Variants in C6 observed in about 807,000 individuals in gnomAD.
C6 encodes complement C6.
In C6, 101 loss-of-function variants were observed where a neutral mutation model predicts 112.9. The ratio of observed to expected loss-of-function variants is 0.89; its 90% CI spans 0.76 to 1.06. C6 has a LOEUF of 1.06. Among genes scored for constraint, C6 ranks in the 50% least tolerant of loss-of-function variants. The pLI is 0.00. For missense variants in C6, 1,202 were observed against 1,104.6 expected, an observed-to-expected ratio of 1.09 and a Z score of -1.25; for synonymous variants, 431 against 384.1, an observed-to-expected ratio of 1.12 and a Z score of -1.43.
At chr5:41,207,815 T>C (rs1159130143) in intron 1 of C6, among the ~76,000 whole-genome samples, 1 of 152,096 alleles carries the variant, frequency 6.6e-6, no homozygotes, top group East Asian at 1.9e-4. Flanking sequence ...ATGAGACAGA[T>C]CAACAAGACA....
At chr5:41,241,142 G>A (rs549222987) in intron 1 of C6, among the ~76,000 whole-genome samples, 24 of 152,252 alleles carry the variant, frequency 1.6e-4, no homozygotes, top group African/African-American at 5.5e-4. Flanking sequence ...GCCCTGGTTG[G>A]CATGCCCCAG....
chr5:41,248,527 T>C (rs113874736), intron 1 of C6, among the ~76,000 whole-genome samples: 1,530 of 152,270 alleles, frequency 0.01, 33 homozygotes, highest in African/African-American at 0.035. Flanking sequence ...TGAACAGACA[T>C]TTCTGAAAAG....
chr5:41,221,668 G>A (rs1026162850), intron 1 of C6, among the ~76,000 whole-genome samples: 3 of 152,020 alleles, frequency 2.0e-5, no homozygotes, highest in African/African-American at 7.2e-5. Context: ...CTAGGGCTTT[G>A]AGAATTAAAT....
chr5:41,228,464 T>C (rs1202666232), intron 1 of C6, among the ~76,000 whole-genome samples: 2 of 152,204 alleles, frequency 1.3e-5, no homozygotes, highest in African/African-American at 4.8e-5. Flanking sequence ...TCTTGCTTAA[T>C]TGCTCTGGCT....
intron 3 of C6, 53 bp downstream of exon 3, chr5:41,201,505 T>A: frequency 3.2e-6 from 5 of 1,540,572 alleles, no homozygotes; most frequent in Non-Finnish European, 4.5e-6. Flanking sequence ...TGTCAGGGAA[T>A]CAGAGCCCTC....
intron 1 of C6, among the ~76,000 whole-genome samples, chr5:41,207,695 G>T (rs140004087): frequency 0.045 from 6,816 of 152,158 alleles, 163 homozygotes; most frequent in Middle Eastern, 0.071. Context: ...AAATATATAC[G>T]CACCCAATAT....
rs143443464 is a variant in C6, at chr5:41,200,891, G to GTTTTTTTTTTTTTTTTTTTTTTTTT, written c.300+642_300+666dup. 1.1e-4 allele frequency among the ~76,000 whole-genome samples: 8 copies of GTTTTTTTTTTTTTTTTTTTTTTTTT among 70,654 alleles called. 1 individual carries two copies. Among genetic ancestry groups the GTTTTTTTTTTTTTTTTTTTTTTTTT allele is most frequent in the Admixed American group, 1.7e-4 (1 of 5,750 alleles). 46.4% of individuals were successfully genotyped at this position (70,654 alleles called of 152,430 possible). ...TGTTTTTGTTGTTGTTGTTGTTGTT[G>GTTTTTTTTTTTTTTTTTTTTTTTTT]TTTTTTTTTTTTTTTTTTTTTTTTT... On this transcript the variant is annotated intron_variant, in intron 3 of 17. Transcript: ENST00000337836.
rs570790008 is a variant in C6, at chr5:41,176,349, A to G, written c.1168+126T>C. 9.3e-6 allele frequency: 9 copies of G among 972,378 alleles called. No individual in the cohort carries two copies. In the South Asian group the frequency reaches 1.0e-4, roughly 11 times the overall value. 60.2% of individuals were successfully genotyped at this position (972,378 alleles called of 1,614,324 possible). A position where few individuals can be genotyped will look rare whatever the true frequency, so the allele number is the denominator to read the frequency against. ...ATGTGTATTTTTTATCATTCTTCATATCATTTTGGAAATAAAGCAGGATCT... is the reference window on the plus strand; with the variant it reads ...ATGTGTATTTTTTATCATTCTTCATGTCATTTTGGAAATAAAGCAGGATCT... On this transcript the variant is annotated intron_variant, in intron 8 of 17. Coordinates refer to ENST00000337836, the MANE Select transcript of C6 (RefSeq NM_000065.5).
At chr5:41,171,941 A>G (rs2150300681) in intron 9 of C6, among the ~76,000 whole-genome samples, 1 of 152,278 alleles carries the variant, frequency 6.6e-6, no homozygotes. Context: ...TCACAGCCAT[A>G]TGCACTTCAC....
At chr5:41,188,973 A>G (rs1457247774) in intron 5 of C6, among the ~76,000 whole-genome samples, 5 of 152,232 alleles carry the variant, frequency 3.3e-5, no homozygotes, top group Admixed American at 3.3e-4. Flanking sequence ...TTGAGTATCT[A>G]AATATATAGT....
chr5:41,259,120 T>TAA (rs1301170466), intron 1 of C6, among the ~76,000 whole-genome samples: 3 of 152,218 alleles, frequency 2.0e-5, no homozygotes, highest in African/African-American at 7.2e-5. Context: ...TTAAAAGCTT[T>TAA]AAAAAAGAGA....
At chr5:41,161,387 A>T (rs3805716) in intron 10 of C6, among the ~76,000 whole-genome samples, 25,463 of 152,104 alleles carry the variant, frequency 0.17, 2,761 homozygotes, top group South Asian at 0.28. Flanking sequence ...GATTTATTGT[A>T]TACATGAAAA....
chr5:41,205,230 C>T (rs1305656279), intron 1 of C6, among the ~76,000 whole-genome samples: 1 of 152,102 alleles, frequency 6.6e-6, no homozygotes, highest in African/African-American at 2.4e-5. Context: ...TTATTTCAGT[C>T]ATAAAAATGA....
chr5:41,148,071 AAAT>A (rs1420346818), intron 17 of C6, among the ~76,000 whole-genome samples: 1 of 152,192 alleles, frequency 6.6e-6, no homozygotes, highest in Non-Finnish European at 1.5e-5. Context: ...AAAAATTTAA[AAAT>A]AATATTTACC....
intron 5 of C6, among the ~76,000 whole-genome samples, chr5:41,191,067 C>CTTTT (rs142519688): frequency 0.079 from 6,705 of 84,590 alleles, 1,039 homozygotes; most frequent in African/African-American, 0.15. Context: ...ATGCCTTTGG[C>CTTTT]TTTTTTTTTT....
intron 1 of C6, among the ~76,000 whole-genome samples, chr5:41,233,184 C>T (rs1049856468): frequency 1.3e-5 from 2 of 152,012 alleles, no homozygotes; most frequent in African/African-American, 4.8e-5. Context: ...TTTTAATTAA[C>T]ATTTTTAGCA....
At chr5:41,258,398 G>A (rs1189272136) in intron 1 of C6, among the ~76,000 whole-genome samples, 4 of 152,136 alleles carry the variant, frequency 2.6e-5, no homozygotes, top group African/African-American at 9.7e-5. Flanking sequence ...TTGGTTTAAT[G>A]ATTTTATTAG....
At chr5:41,148,796 A>C (rs1431543545) in intron 17 of C6, among the ~76,000 whole-genome samples, 3 of 152,220 alleles carry the variant, frequency 2.0e-5, no homozygotes, top group African/African-American at 7.2e-5. Flanking sequence ...TAAGGCACTG[A>C]AAGAAGACTG....
At chr5:41,175,502 T>A (rs1214075628) in intron 8 of C6, among the ~76,000 whole-genome samples, 1 of 152,190 alleles carries the variant, frequency 6.6e-6, no homozygotes. Flanking sequence ...AGAGATGGAA[T>A]GTGAGAAGGT....
Sources: gnomAD v4.1 joint callset for allele counts (sites outside exome capture counted in the v4.1 genomes callset) on GRCh38, gnomAD v4.1.1 for gene constraint, MANE v1.5 for transcripts, NCBI Gene and HGNC (gene_info 2026-07-23, HGNC 2026-07-21) for gene names.